CLSTN2: variants seen among roughly 807,000 people sequenced by gnomAD.
The protein encoded by CLSTN2 is calsyntenin 2, also known as calsyntenin-2.
A neutral mutation model predicts 101.2 loss-of-function variants in CLSTN2; 48 were observed. The observed-to-expected ratio is 0.47, with a 90% CI of 0.38 to 0.60. The LOEUF (loss-of-function observed/expected upper bound fraction) is 0.60, where lower values mean the gene tolerates loss of function less well. CLSTN2 is among the 20% of genes least tolerant of loss of function. The pLI is 0.00. For missense variants in CLSTN2, 1,160 were observed against 1,238.2 expected, an observed-to-expected ratio of 0.94 and a Z score of 0.95; for synonymous variants, 481 against 463.6, an observed-to-expected ratio of 1.04 and a Z score of -0.48.
Position 140,505,082 on chromosome 3 carries a change from TG to T in CLSTN2, c.1345-27241del, listed in dbSNP as rs1197163514. ...GTTCAAAGAAAGTATCTTTTTTTTT[TG>T]CTGTGGAATTCCAAGCTGAGACAAC... On this transcript the variant is annotated intron_variant, in intron 8 of 16. Transcript: ENST00000458420. 8.5e-5 allele frequency among the ~76,000 whole-genome samples: 13 copies of T among 152,134 alleles called. No individual in the cohort carries two copies. In the South Asian group the frequency reaches 2.1e-3, roughly 24 times the overall value.
intron 2 of CLSTN2, among the ~76,000 whole-genome samples, chr3:140,347,225 A>G (rs1018349190): frequency 6.6e-6 from 1 of 152,224 alleles, no homozygotes; most frequent in African/African-American, 2.4e-5. Flanking sequence ...ACCAACAACA[A>G]CAAGAAAATA....
intron 1 of CLSTN2, among the ~76,000 whole-genome samples, chr3:139,990,249 A>G (rs1936093992): frequency 6.6e-6 from 1 of 152,354 alleles, no homozygotes; most frequent in Non-Finnish European, 1.5e-5. Flanking sequence ...AGTTTGGTCC[A>G]GAAGGCATAA....
At chr3:140,314,834 G>A (rs2087213551) in intron 2 of CLSTN2, among the ~76,000 whole-genome samples, 1 of 151,932 alleles carries the variant, frequency 6.6e-6, no homozygotes, top group Non-Finnish European at 1.5e-5. Flanking sequence ...CTGGCTCCTG[G>A]GGACATTGGT....
chr3:140,178,706 TA>T (rs1285456371), intron 2 of CLSTN2, among the ~76,000 whole-genome samples: 2 of 152,228 alleles, frequency 1.3e-5, no homozygotes, highest in Non-Finnish European at 2.9e-5. Flanking sequence ...GCGTTTATTT[TA>T]AAACATTTAT....
intron 1 of CLSTN2, among the ~76,000 whole-genome samples, chr3:140,159,412 A>G (rs1359178991): frequency 6.6e-6 from 1 of 152,156 alleles, no homozygotes; most frequent in East Asian, 1.9e-4. Flanking sequence ...CAACAATCAT[A>G]TGAAGAAATG....
chr3:140,341,120 T>C (rs1174746423), intron 2 of CLSTN2, among the ~76,000 whole-genome samples: 2 of 152,224 alleles, frequency 1.3e-5, no homozygotes, highest in Non-Finnish European at 2.9e-5. Context: ...ATGTGATACT[T>C]TTATTTCCTT....
intron 2 of CLSTN2, among the ~76,000 whole-genome samples, chr3:140,265,461 G>C (rs1204323347): frequency 6.6e-6 from 1 of 152,188 alleles, no homozygotes; most frequent in African/African-American, 2.4e-5. Context: ...TGGAATCAGA[G>C]TTCTAAACCA....
At chr3:140,503,194 C>T (rs1934615648) in intron 8 of CLSTN2, among the ~76,000 whole-genome samples, 1 of 152,200 alleles carries the variant, frequency 6.6e-6, no homozygotes. Context: ...CTCTCCCCAT[C>T]TCAAGATTCT....
At chr3:140,338,328 C>A (rs1226516247) in intron 2 of CLSTN2, among the ~76,000 whole-genome samples, 1 of 152,142 alleles carries the variant, frequency 6.6e-6, no homozygotes, top group Admixed American at 6.5e-5. Context: ...AGTTTAGGGT[C>A]ATAAGTCTGT....
intron 2 of CLSTN2, among the ~76,000 whole-genome samples, chr3:140,353,070 A>G (rs983901808): frequency 5.3e-5 from 8 of 152,228 alleles, no homozygotes; most frequent in African/African-American, 1.4e-4. Context: ...ATTAAAACTT[A>G]TTATAAGTAA....
intron 1 of CLSTN2, among the ~76,000 whole-genome samples, chr3:140,155,954 T>C (rs2009946914): frequency 1.5e-5 from 1 of 66,636 alleles, no homozygotes; most frequent in South Asian, 9.6e-4. Flanking sequence ...ATGCTTTCTC[T>C]CATTTTTTTT....
At chr3:140,131,873 G>A (rs76546564) in intron 1 of CLSTN2, among the ~76,000 whole-genome samples, 3 of 152,072 alleles carry the variant, frequency 2.0e-5, no homozygotes, top group Non-Finnish European at 4.4e-5. Flanking sequence ...GGCTAAAACT[G>A]TCCCACAATT....
intron 8 of CLSTN2, among the ~76,000 whole-genome samples, chr3:140,498,221 A>C (rs1934507322): frequency 4.6e-5 from 7 of 152,226 alleles, no homozygotes; most frequent in Admixed American, 4.6e-4. Flanking sequence ...GAAAGAGAGA[A>C]GAGTTTATCC....
chr3:140,099,708 G>A (rs1389285311), intron 1 of CLSTN2, among the ~76,000 whole-genome samples: 3 of 152,182 alleles, frequency 2.0e-5, no homozygotes, highest in African/African-American at 7.2e-5. Context: ...ATAGTTGGAT[G>A]CATTTCTGCT....
At chr3:140,310,036 G>A (rs1312185794) in intron 2 of CLSTN2, among the ~76,000 whole-genome samples, 1 of 152,034 alleles carries the variant, frequency 6.6e-6, no homozygotes, top group East Asian at 1.9e-4. Flanking sequence ...TGGTCATGGG[G>A]TTCTAGCCTT....
chr3:140,077,527 A>G (rs1213648509), intron 1 of CLSTN2, among the ~76,000 whole-genome samples: 1 of 152,138 alleles, frequency 6.6e-6, no homozygotes, highest in Admixed American at 6.5e-5. Context: ...GGTACCACAC[A>G]TATGTCTGCA....
At chr3:140,156,185 T>A (rs1202402234) in intron 1 of CLSTN2, among the ~76,000 whole-genome samples, 1 of 152,174 alleles carries the variant, frequency 6.6e-6, no homozygotes, top group Non-Finnish European at 1.5e-5. Context: ...CCACAAACGT[T>A]GTGTTGAGAA....
intron 2 of CLSTN2, among the ~76,000 whole-genome samples, chr3:140,382,737 C>T (rs991253804): frequency 6.6e-6 from 1 of 152,186 alleles, no homozygotes; most frequent in African/African-American, 2.4e-5. Flanking sequence ...CATGGTCAGG[C>T]TCTGCTGAGG....
chr3:139,973,296 G>A (rs1935747016), intron 1 of CLSTN2, among the ~76,000 whole-genome samples: 1 of 152,240 alleles, frequency 6.6e-6, no homozygotes, highest in South Asian at 2.1e-4. Context: ...TGGCTGAGAA[G>A]CAAGGCAGGG....
Sources: gnomAD v4.1 joint callset for allele counts (sites outside exome capture counted in the v4.1 genomes callset) on GRCh38, gnomAD v4.1.1 for gene constraint, MANE v1.5 for transcripts, NCBI Gene and HGNC (gene_info 2026-07-23, HGNC 2026-07-21) for gene names.